Variants in TCEA1 observed in about 807,000 individuals in gnomAD.
The protein encoded by TCEA1 is transcription elongation factor A protein 1.
Under a neutral mutation model 43.8 loss-of-function variants are expected in TCEA1, and 21 were observed. The observed-to-expected ratio is 0.48, with a 90% CI of 0.34 to 0.69. TCEA1 has a LOEUF of 0.69. Among genes scored for constraint, TCEA1 ranks in the 30% least tolerant of loss-of-function variants. The pLI is 0.01. For synonymous variants in TCEA1, 104 were observed against 117.5 expected, an observed-to-expected ratio of 0.88 and a Z score of 0.75; for missense variants, 250 against 365.1, an observed-to-expected ratio of 0.68 and a Z score of 2.57.
At chr8:53,970,600 C>T in intron 8 of TCEA1, 137 bp from the exon 9 acceptor site, 1 of 550,494 alleles carries the variant, frequency 1.8e-6, no homozygotes, top group African/African-American at 1.9e-5. Context: ...GAAACAAGTT[C>T]AAATAAGCTA....
At chr8:54,011,481 A>G (rs1439396474) in intron 1 of TCEA1, among the ~76,000 whole-genome samples, 1 of 152,220 alleles carries the variant, frequency 6.6e-6, no homozygotes, top group Non-Finnish European at 1.5e-5. Context: ...AGCCAATGAC[A>G]CTCATTCCAC....
chr8:54,003,351 G>C (rs1011702111), intron 2 of TCEA1, among the ~76,000 whole-genome samples: 1 of 152,112 alleles, frequency 6.6e-6, no homozygotes, highest in African/African-American at 2.4e-5. Flanking sequence ...CTTTAGTGTA[G>C]AAATTGACAA....
chr8:53,978,291 AT>A (rs1803393588), intron 8 of TCEA1, among the ~76,000 whole-genome samples: 1 of 152,200 alleles, frequency 6.6e-6, no homozygotes, highest in African/African-American at 2.4e-5. Context: ...TAAGAAAGAA[AT>A]CTTATCTCCT....
intron 7 of TCEA1, among the ~76,000 whole-genome samples, chr8:53,983,998 G>T (rs756508777): frequency 8.6e-5 from 13 of 151,670 alleles, no homozygotes; most frequent in Non-Finnish European, 1.6e-4. Context: ...TACTTGGGAG[G>T]CTGAGGCAGG....
chr8:53,986,328 C>G (rs1803687396), intron 6 of TCEA1, among the ~76,000 whole-genome samples: 1 of 152,162 alleles, frequency 6.6e-6, no homozygotes, highest in South Asian at 2.1e-4. Context: ...ACATATAGGA[C>G]AAATACATTC....
At chr8:53,999,408 C>T (rs1009829301) in intron 3 of TCEA1, among the ~76,000 whole-genome samples, 1 of 151,296 alleles carries the variant, frequency 6.6e-6, no homozygotes, top group East Asian at 1.9e-4. Flanking sequence ...ACTATGATTC[C>T]ATAAAAAAAT....
Position 53,994,085 on chromosome 8 carries a change from C to T in TCEA1, c.233-330G>A, listed in dbSNP as rs566510961. Among the ~76,000 whole-genome samples, 3 of 152,326 alleles carry T rather than the reference C, an allele frequency of 2.0e-5. No individual in the cohort carries two copies. The East Asian group carries it at 5.8e-4, about 29-fold the overall frequency. On this transcript the variant is annotated intron_variant, in intron 3 of 9. Coordinates refer to ENST00000521604, the MANE Select transcript of TCEA1 (RefSeq NM_006756.4). ...ATGAAAGCACAGGCCGGTGCAGTGG[C>T]TCACGCCTGTAATTCCAGCAGTTTG...
chr8:54,013,955 G>C (rs1804739522), intron 1 of TCEA1, among the ~76,000 whole-genome samples: 2 of 152,238 alleles, frequency 1.3e-5, no homozygotes, highest in South Asian at 4.1e-4. Context: ...ACTAGAAAAG[G>C]TAAGATCTAC....
At chr8:54,007,274 A>G (rs902214598) in intron 2 of TCEA1, among the ~76,000 whole-genome samples, 1 of 152,164 alleles carries the variant, frequency 6.6e-6, no homozygotes, top group Non-Finnish European at 1.5e-5. Flanking sequence ...CAAACCAATT[A>G]TATAATATAA....
At chr8:53,973,659 A>G (rs901425275) in intron 8 of TCEA1, 22 of 558,450 alleles carry the variant, frequency 3.9e-5, no homozygotes, top group Non-Finnish European at 5.5e-5. Flanking sequence ...GAGCAAAAAG[A>G]AGAAAAAGAA....
intron 3 of TCEA1, among the ~76,000 whole-genome samples, chr8:53,997,589 G>A (rs1405952390): frequency 6.6e-6 from 1 of 152,152 alleles, no homozygotes; most frequent in African/African-American, 2.4e-5. Context: ...CCTCAAATAA[G>A]GAATATGCTA....
intron 7 of TCEA1, among the ~76,000 whole-genome samples, chr8:53,983,325 T>C (rs1268180528): frequency 1.3e-5 from 2 of 152,200 alleles, no homozygotes; most frequent in Non-Finnish European, 2.9e-5. Flanking sequence ...CAATCCAAAC[T>C]TGCAATGTAT....
chr8:53,979,213 C>CTA, intron 7 of TCEA1, 42 bp from the exon 8 acceptor site: 1 of 1,569,532 alleles, frequency 6.4e-7, no homozygotes, highest in Non-Finnish European at 8.7e-7. Context: ...TAGACACCTT[C>CTA]TATATATATC....
At chr8:54,003,029 GA>G (rs1357824269) in intron 2 of TCEA1, 1 of 456,236 alleles carries the variant, frequency 2.2e-6, no homozygotes, top group East Asian at 6.9e-5. Flanking sequence ...TGCTCCAGAA[GA>G]AAAGTCTCCT....
chr8:53,970,709 A>G (rs1208196126), intron 8 of TCEA1, among the ~76,000 whole-genome samples: 2 of 152,172 alleles, frequency 1.3e-5, no homozygotes, highest in Non-Finnish European at 2.9e-5. Context: ...AAAATCCTCT[A>G]AAGTCACACC....
chr8:54,000,928 T>C (rs1017871774), intron 2 of TCEA1, among the ~76,000 whole-genome samples: 3 of 151,948 alleles, frequency 2.0e-5, no homozygotes, highest in Non-Finnish European at 2.9e-5. Flanking sequence ...CCCGGCTGAT[T>C]TGTGTATTTT....
chr8:54,013,371 G>A (rs1185956347), intron 1 of TCEA1, among the ~76,000 whole-genome samples: 1 of 152,026 alleles, frequency 6.6e-6, no homozygotes, highest in African/African-American at 2.4e-5. Context: ...GGGTCTTTAA[G>A]AAATAACTAT....
At chr8:54,015,362 G>A (rs1282990579) in intron 1 of TCEA1, among the ~76,000 whole-genome samples, 1 of 152,040 alleles carries the variant, frequency 6.6e-6, no homozygotes, top group African/African-American at 2.4e-5. Flanking sequence ...TAGAGATGGG[G>A]TTTCACTATG....
intron 4 of TCEA1, among the ~76,000 whole-genome samples, chr8:53,990,920 A>G (rs1343062509): frequency 6.6e-6 from 1 of 152,174 alleles, no homozygotes; most frequent in Non-Finnish European, 1.5e-5. Context: ...TTAACCTTCT[A>G]TCTTTCTTTA....
Sources: allele counts gnomAD v4.1 joint callset (sites outside exome capture counted in the v4.1 genomes callset), GRCh38; gene constraint gnomAD v4.1.1; transcripts MANE v1.5; gene names NCBI Gene and HGNC (gene_info 2026-07-23, HGNC 2026-07-21).